The following CNTNAP2 variants were observed in gnomAD, a reference collection of about 807,000 sequenced individuals.
CNTNAP2 encodes contactin-associated protein-like 2.
A neutral mutation model predicts 155.2 loss-of-function variants in CNTNAP2; 98 were observed. The ratio of observed to expected loss-of-function variants is 0.63; its 90% CI spans 0.54 to 0.75. The LOEUF (loss-of-function observed/expected upper bound fraction) is 0.75. CNTNAP2 is among the 30% of genes least tolerant of loss of function. The pLI is 0.00. For synonymous variants in CNTNAP2, 651 were observed against 631.2 expected (o/e 1.03, Z -0.47); for missense variants, 1,727 against 1,688.1 (o/e 1.02, Z -0.40).
intron 8 of CNTNAP2, among the ~76,000 whole-genome samples, chr7:147,187,080 T>A (rs1644783089): frequency 6.6e-6 from 1 of 151,978 alleles, no homozygotes; most frequent in Non-Finnish European, 1.5e-5. Flanking sequence ...GAGGATTGCT[T>A]TTAGAATGTC....
intron 1 of CNTNAP2, among the ~76,000 whole-genome samples, chr7:146,714,372 A>G (rs1325831786): frequency 2.6e-5 from 4 of 152,200 alleles, no homozygotes; most frequent in African/African-American, 7.2e-5. Flanking sequence ...CCAACCCTAG[A>G]AACACCATAC....
chr7:147,789,050 A>C (rs144177342), intron 13 of CNTNAP2, among the ~76,000 whole-genome samples: 1 of 151,366 alleles, frequency 6.6e-6, no homozygotes, highest in Non-Finnish European at 1.5e-5. Context: ...GATTACAGGC[A>C]TGCATCACCA....
intron 14 of CNTNAP2, among the ~76,000 whole-genome samples, chr7:147,911,387 C>A (rs1232628634): frequency 1.3e-5 from 2 of 152,108 alleles, no homozygotes; most frequent in Non-Finnish European, 2.9e-5. Flanking sequence ...TTGCTATGTT[C>A]CAAGGAAGAT....
intron 3 of CNTNAP2, among the ~76,000 whole-genome samples, chr7:147,002,561 C>T (rs1381695630): frequency 6.6e-6 from 1 of 151,990 alleles, no homozygotes; most frequent in East Asian, 1.9e-4. Flanking sequence ...TCATGCCAAG[C>T]AAGCTACTAG....
intron 12 of CNTNAP2, among the ~76,000 whole-genome samples, chr7:147,618,597 T>C (rs913438926): frequency 6.6e-6 from 1 of 151,594 alleles, no homozygotes; most frequent in African/African-American, 2.4e-5. Flanking sequence ...TCAGACTGTA[T>C]ATGAATAACA....
chr7:146,532,795 G>A (rs1797788204), intron 1 of CNTNAP2, among the ~76,000 whole-genome samples: 2 of 151,876 alleles, frequency 1.3e-5, no homozygotes, highest in East Asian at 1.9e-4. Context: ...GGAATTAAGA[G>A]CAGAATTGGC....
At chr7:148,135,973 GAGGAAGGA>G (rs1186076177) in intron 16 of CNTNAP2, among the ~76,000 whole-genome samples, 6 of 40,192 alleles carry the variant, frequency 1.5e-4, no homozygotes, top group Admixed American at 3.2e-4. Flanking sequence ...GGAAGAGAGG[GAGGAAGGA>G]AGGAAGGAAG....
intron 1 of CNTNAP2, among the ~76,000 whole-genome samples, chr7:146,222,569 TGTGTGTGC>T (rs1297806601): frequency 6.6e-6 from 1 of 150,738 alleles, no homozygotes; most frequent in African/African-American, 2.4e-5. Flanking sequence ...TGTGTGTGTG[TGTGTGTGC>T]GTGCACATGT....
intron 21 of CNTNAP2, among the ~76,000 whole-genome samples, chr7:148,287,787 C>CTTTTTTTTTTTT (rs1230237736): frequency 3.1e-5 from 2 of 64,898 alleles, no homozygotes; most frequent in African/African-American, 6.5e-5. Context: ...TTCTTTCTTT[C>CTTTTTTTTTTTT]TTTTTTTCTT....
At chr7:146,871,116 T>C (rs1202892131) in intron 3 of CNTNAP2, among the ~76,000 whole-genome samples, 1 of 152,218 alleles carries the variant, frequency 6.6e-6, no homozygotes, top group African/African-American at 2.4e-5. Context: ...AGCAAAGCAT[T>C]TCAGGAGTGA....
rs117524146 is a variant in CNTNAP2 at position 146,505,674 on chromosome 7, A to T, written c.98-268597A>T. ...GGACTATGATAGCCAACCATACGTC[A>T]TGGTGGACTTGGAGGGTCTGTGGCC... On this transcript the variant is annotated intron_variant, in intron 1 of 23. Transcript: ENST00000361727. 6.1e-3 allele frequency among the ~76,000 whole-genome samples: 925 copies of T among 152,338 alleles called. 35 individuals carry two copies. The East Asian group carries it at 0.084, about 14-fold the overall frequency.
chr7:146,456,247 A>G (rs939982529), intron 1 of CNTNAP2, among the ~76,000 whole-genome samples: 3 of 152,280 alleles, frequency 2.0e-5, no homozygotes, highest in African/African-American at 7.2e-5. Flanking sequence ...TTAGGTATGT[A>G]TGTATATATG....
intron 11 of CNTNAP2, among the ~76,000 whole-genome samples, chr7:147,490,548 C>A (rs1405576393): frequency 1.3e-5 from 2 of 152,120 alleles, no homozygotes; most frequent in East Asian, 1.9e-4. Context: ...AAATTGAATT[C>A]TATTTGCTGT....
intron 13 of CNTNAP2, among the ~76,000 whole-genome samples, chr7:147,683,846 C>G (rs1344798184): frequency 6.7e-6 from 1 of 150,178 alleles, no homozygotes; most frequent in Admixed American, 6.7e-5. Context: ...TAATGACTGC[C>G]AAAATCTAGG....
chr7:147,575,869 A>G (rs1387398172), intron 12 of CNTNAP2, among the ~76,000 whole-genome samples: 4 of 151,976 alleles, frequency 2.6e-5, no homozygotes, highest in Admixed American at 6.6e-5. Context: ...ATTCTTCACA[A>G]TAACCCTGAG....
intron 8 of CNTNAP2, among the ~76,000 whole-genome samples, chr7:147,151,197 A>G (rs1801817323): frequency 6.6e-6 from 1 of 152,180 alleles, no homozygotes; most frequent in South Asian, 2.1e-4. Flanking sequence ...ACTTGAAATG[A>G]ATTTGGCTTT....
chr7:147,653,463 G>C (rs1795477934), intron 13 of CNTNAP2, among the ~76,000 whole-genome samples: 1 of 152,190 alleles, frequency 6.6e-6, no homozygotes, highest in South Asian at 2.1e-4. Context: ...ATACAGACAT[G>C]AAATTCAACT....
intron 14 of CNTNAP2, among the ~76,000 whole-genome samples, chr7:147,912,735 C>T (rs117503523): frequency 0.011 from 1,655 of 152,262 alleles, 84 homozygotes; most frequent in Admixed American, 0.091. Context: ...CAAGCCAAAC[C>T]TCCTCCAAGC....
intron 10 of CNTNAP2, among the ~76,000 whole-genome samples, chr7:147,397,112 CAT>C (rs1230618026): frequency 1.3e-5 from 2 of 152,010 alleles, no homozygotes; most frequent in African/African-American, 4.8e-5. Context: ...AAAGCCTTCA[CAT>C]GTTTATAAGA....
Sources: allele counts gnomAD v4.1 joint callset (sites outside exome capture counted in the v4.1 genomes callset), GRCh38; gene constraint gnomAD v4.1.1; transcripts MANE v1.5; gene names NCBI Gene and HGNC (gene_info 2026-07-23, HGNC 2026-07-21).